Variants in ANXA9 observed in about 807,000 individuals in gnomAD.
The protein encoded by ANXA9 is annexin 31.
A neutral mutation model predicts 51.8 loss-of-function variants in ANXA9; 47 were observed. The observed-to-expected ratio is 0.91, with a 90% CI of 0.72 to 1.16. ANXA9 has a LOEUF of 1.16. Ranked by LOEUF, ANXA9 falls within the 50% of genes most tolerant of loss-of-function variation. The pLI is 0.00. For missense variants in ANXA9, 361 were observed against 424.7 expected (o/e 0.85, Z 1.32); for synonymous variants, 154 against 168.7 (o/e 0.91, Z 0.68).
intron 12 of ANXA9, 112 bp downstream of exon 12, chr1:150,988,453 C>G (rs1160506396): frequency 5.4e-6 from 7 of 1,290,090 alleles, no homozygotes; most frequent in Non-Finnish European, 7.7e-6. Flanking sequence ...CCTCAAGCCG[C>G]TCTCCTTCCC....
At chr1:150,983,289 T>C (rs377655075) in intron 3 of ANXA9, 49 bp from the exon 4 acceptor site, 2 of 1,603,932 alleles carry the variant, frequency 1.2e-6, no homozygotes, top group Non-Finnish European at 1.7e-6. Flanking sequence ...GCTGAGGAGG[T>C]GTAGGCAGCC....
intron 2 of ANXA9, among the ~76,000 whole-genome samples, 160 bp from the exon 3 acceptor site, chr1:150,982,930 C>T (rs587729199): frequency 1.3e-5 from 2 of 152,212 alleles, no homozygotes; most frequent in South Asian, 4.1e-4. Flanking sequence ...ACCATTTCAG[C>T]TCCATTTCTG....
intron 12 of ANXA9, among the ~76,000 whole-genome samples, chr1:150,991,011 C>T (rs587700575): frequency 2.0e-5 from 3 of 151,306 alleles, no homozygotes; most frequent in Non-Finnish European, 1.5e-5. Context: ...GGCGTGGTAG[C>T]GGGCGCCTGT....
At chr1:150,987,185 T>C (rs1571690730) in intron 9 of ANXA9, among the ~76,000 whole-genome samples, 1 of 151,844 alleles carries the variant, frequency 6.6e-6, no homozygotes, top group Non-Finnish European at 1.5e-5. Context: ...CTAGGCAACA[T>C]AGTGAGACTC....
rs1256845331 is a variant in ANXA9, at chr1:150,986,384, T to C, written c.521T>C (p.Ile174Thr). Reference protein sequence around the residue: ...VDDITSETSGILQDLLLALAK... With the variant: ...VDDITSETSGTLQDLLLALAK... ...GACATCACATCTGAGACCAGTGGCA[T>C]CTTGCAGGACCTGCTGTTGGCCCTG... Residue 174 changes from isoleucine (I) to threonine (T), a missense_variant, in exon 8 of 14, where the codon ATC becomes ACC. By Grantham distance (89) the Ile-to-Thr change is moderately conservative. Transcript: ENST00000368947. The C allele has an allele frequency of 6.2e-7, 1 of 1,614,014 alleles. No individual in the cohort carries two copies. Among genetic ancestry groups the C allele is most frequent in the African/African-American group, 1.3e-5 (1 of 74,908 alleles).
chr1:150,994,560 CTT>C lies in ANXA9; in HGVS notation c.853-15_853-14del. The stretch of plus-strand genomic sequence containing the variant: ...GACTCTCACTAACTACCCCCCATCT[CTT>C]TCTTCCCCTACTAGGAAACTGAGCC... On this transcript the variant is annotated splice_polypyrimidine_tract_variant and intron_variant, in intron 12 of 13. Coordinates refer to ENST00000368947, the MANE Select transcript of ANXA9 (RefSeq NM_003568.3). The C allele has an allele frequency of 6.2e-7, 1 of 1,613,566 alleles. No individual in the cohort carries two copies. Among genetic ancestry groups the C allele is most frequent in the South Asian group, 1.1e-5 (1 of 91,040 alleles).
chr1:150,988,072 T>A lies in ANXA9; in HGVS notation c.698-19T>A. On this transcript the variant is annotated intron_variant, in intron 10 of 13. Transcript: ENST00000368947. ...TTAATCCCCCATCCATCTTTCTAACTGCCTCCTACACACACAAGTGTTTGA... is the reference window on the plus strand; with the variant it reads ...TTAATCCCCCATCCATCTTTCTAACAGCCTCCTACACACACAAGTGTTTGA... 2 of 1,614,056 alleles carry A rather than the reference T, an allele frequency of 1.2e-6. No individual in the cohort carries two copies. The highest frequency in any genetic ancestry group is 3.3e-4 in the Middle Eastern group (2 of 6,062).
At chr1:150,986,497 G>C in intron 8 of ANXA9, 82 bp downstream of exon 8, 1 of 1,571,622 alleles carries the variant, frequency 6.4e-7, no homozygotes, top group African/African-American at 1.3e-5. Context: ...TTGCTGTCCT[G>C]TAATGGACAA....
intron 7 of ANXA9, among the ~76,000 whole-genome samples, chr1:150,985,646 G>C (rs891494647): frequency 1.3e-5 from 2 of 152,054 alleles, no homozygotes; most frequent in Non-Finnish European, 2.9e-5. Context: ...GCTCACTGCA[G>C]CCTTGACCCT....
At chr1:150,979,692 G>T (rs587659396), upstream of ANXA9, among the ~76,000 whole-genome samples, 104 of 152,294 alleles carry the variant, frequency 6.8e-4, no homozygotes, top group African/African-American at 2.5e-3. Context: ...TGGCCATTTT[G>T]GGGATTGGCC....
intron 11 of ANXA9, 41 bp downstream of exon 11, chr1:150,988,227 G>A (rs1046954806): frequency 1.2e-6 from 2 of 1,614,014 alleles, no homozygotes; most frequent in African/African-American, 1.3e-5. Context: ...GTCTCTCTTG[G>A]GATGGGAGAT....
At chr1:150,991,987 A>C (rs1671713629) in intron 12 of ANXA9, among the ~76,000 whole-genome samples, 1 of 151,800 alleles carries the variant, frequency 6.6e-6, no homozygotes, top group South Asian at 2.1e-4. Context: ...GGCTGGTCTC[A>C]AACTCCTGGC....
At chr1:150,983,216 T>C (rs1187855022) in intron 3 of ANXA9, 36 bp downstream of exon 3, 9 of 1,607,936 alleles carry the variant, frequency 5.6e-6, no homozygotes, top group Non-Finnish European at 7.7e-6. Flanking sequence ...TCACTTTTAG[T>C]ATCTCAGCTC....
At chr1:150,991,991 T>C (rs1180453336) in intron 12 of ANXA9, among the ~76,000 whole-genome samples, 1 of 151,956 alleles carries the variant, frequency 6.6e-6, no homozygotes, top group Non-Finnish European at 1.5e-5. Context: ...GGTCTCAAAC[T>C]CCTGGCCTCA....
At position 150,990,706 on chromosome 1, in the gene ANXA9, G is replaced by A. The variant is rs139999434; in HGVS notation, c.852+2365G>A. Among the ~76,000 whole-genome samples the A allele has an allele frequency of 8.6e-3, 1,316 of 152,274 alleles. 7 individuals carry two copies. Among genetic ancestry groups the A allele is most frequent in the Non-Finnish European group, 0.012 (839 of 68,018 alleles). On this transcript the variant is annotated intron_variant, in intron 12 of 13. Coordinates refer to ENST00000368947, the MANE Select transcript of ANXA9 (RefSeq NM_003568.3). ...TACTAAAAATACAAAAATTAGCCAG[G>A]GGGTAGTGGTGAGCGCCTGTAATCT...
chr1:150,983,509 G>A, intron 4 of ANXA9, 75 bp downstream of exon 4: 1 of 1,364,932 alleles, frequency 7.3e-7, no homozygotes, highest in Non-Finnish European at 1.0e-6. Context: ...CCAGGAAGGA[G>A]GAACTAGTGA....
Position 150,988,308 on chromosome 1 carries a change from G to A in ANXA9, c.819G>A (p.Leu273=). ...GLASVIKNTP[L]YFADKLHQAL... ...CTTCGGTGATCAAGAACACACCGCT[G>A]TACTTTGCTGACAAACTTCATCAAG... Residue 273 remains leucine, a synonymous_variant, in exon 12 of 14, where the codon CTG becomes CTA. Transcript: ENST00000368947. The A allele has an allele frequency of 6.2e-7, 1 of 1,614,182 alleles. No homozygotes were observed. The highest frequency in any genetic ancestry group is 8.5e-7 in the Non-Finnish European group (1 of 1,180,046).
chr1:150,983,827 C>T (rs1671481780), intron 4 of ANXA9, 148 bp from the exon 5 acceptor site: 1 of 789,144 alleles, frequency 1.3e-6, no homozygotes, highest in Non-Finnish European at 2.0e-6. Flanking sequence ...TTTGCAACTT[C>T]TTTTGAGATA....
At chr1:150,981,269 G>A (rs57340363), upstream of ANXA9, among the ~76,000 whole-genome samples, 12 of 152,254 alleles carry the variant, frequency 7.9e-5, no homozygotes, top group East Asian at 1.9e-3. Flanking sequence ...TGGAGCCACT[G>A]CAGGTCCCTC....
Sources: allele counts gnomAD v4.1 joint callset (sites outside exome capture counted in the v4.1 genomes callset), GRCh38; gene constraint gnomAD v4.1.1; transcripts MANE v1.5; gene names NCBI Gene and HGNC (gene_info 2026-07-23, HGNC 2026-07-21).